The following MARCHF1 variants were observed in gnomAD, a reference collection of about 807,000 sequenced individuals.
MARCHF1 encodes the protein membrane associated ring-CH-type finger 1.
MARCHF1 carries 40 observed loss-of-function variants against 54.2 expected under a neutral mutation model. That is an observed-to-expected ratio of 0.74 (90% CI 0.57 to 0.96). The LOEUF is 0.96. MARCHF1 is among the 40% of genes least tolerant of loss of function. MARCHF1 has a pLI of 0.00. For missense variants in MARCHF1, 586 were observed against 656.5 expected (o/e 0.89, Z 1.17); for synonymous variants, 236 against 236.3 (o/e 1.00, Z 0.01).
In MARCHF1 at chr4:164,099,755, T is replaced by C. The variant is rs78762771; in HGVS notation, c.-248+11833A>G. On this transcript the variant is annotated intron_variant, in intron 2 of 9. Transcript: ENST00000514618. Reference sequence around the variant, plus strand: ...AAATATATTATTCAAAAGAAAATTTTGTTAATATTGTTCTCTGAGGTCATA... The same window carrying C: ...AAATATATTATTCAAAAGAAAATTTCGTTAATATTGTTCTCTGAGGTCATA... Among the ~76,000 whole-genome samples the C allele has an allele frequency of 2.9e-3, 448 of 152,300 alleles. 5 individuals carry two copies. The highest frequency in any genetic ancestry group is 9.9e-3 in the African/African-American group (410 of 41,566).
intron 1 of MARCHF1, among the ~76,000 whole-genome samples, chr4:164,147,641 G>T (rs542787105): frequency 3.6e-5 from 5 of 137,356 alleles, no homozygotes; most frequent in African/African-American, 1.4e-4. Context: ...ATGGACACAG[G>T]AAGGGGAACA....
intron 4 of MARCHF1, among the ~76,000 whole-genome samples, chr4:163,768,867 T>C (rs1408979021): frequency 6.6e-6 from 1 of 152,198 alleles, no homozygotes; most frequent in East Asian, 1.9e-4. Context: ...TTAAATTTCC[T>C]ATACTTTCTC....
intron 3 of MARCHF1, chr4:163,933,189 C>T: frequency 6.7e-6 from 5 of 750,240 alleles, no homozygotes; most frequent in South Asian, 5.4e-5. Flanking sequence ...TTAGAGACAA[C>T]CTAACACTAT....
At chr4:164,244,431 C>T (rs1732876031) in intron 1 of MARCHF1, among the ~76,000 whole-genome samples, 1 of 150,606 alleles carries the variant, frequency 6.6e-6, no homozygotes, top group South Asian at 2.1e-4. Flanking sequence ...CACAACATAC[C>T]AGAATCTCTG....
intron 2 of MARCHF1, among the ~76,000 whole-genome samples, chr4:164,021,329 C>T (rs1194747266): frequency 1.3e-5 from 2 of 152,132 alleles, no homozygotes; most frequent in Non-Finnish European, 2.9e-5. Context: ...ATGGTAATAT[C>T]ATTTAATTCT....
Position 164,375,059 on chromosome 4 carries a change from G to A in MARCHF1, c.-323+8811C>T, listed in dbSNP as rs546686297. On this transcript the variant is annotated intron_variant, in intron 1 of 9. Coordinates refer to ENST00000514618, the MANE Select transcript of MARCHF1 (RefSeq NM_001394959.1). ...GAAAATAATTTGTCTCTAATTGATC[G>A]AATTTCAAATTTGGGAGAATTTAGC... Among the ~76,000 whole-genome samples, 11 of 152,150 alleles carry A rather than the reference G, an allele frequency of 7.2e-5. No homozygotes were observed. In the South Asian group the frequency reaches 1.9e-3, roughly 26 times the overall value.
At chr4:164,114,803 A>G (rs909855919) in intron 1 of MARCHF1, among the ~76,000 whole-genome samples, 3 of 147,468 alleles carry the variant, frequency 2.0e-5, no homozygotes, top group South Asian at 2.1e-4. Context: ...TGAATTACCA[A>G]AAAAAAAAAA....
intron 3 of MARCHF1, among the ~76,000 whole-genome samples, chr4:163,967,023 G>A (rs1752455888): frequency 2.6e-5 from 4 of 152,058 alleles, no homozygotes; most frequent in Non-Finnish European, 5.9e-5. Flanking sequence ...CCGGGGGAGG[G>A]AAAATATGCC....
intron 4 of MARCHF1, among the ~76,000 whole-genome samples, chr4:163,817,441 G>A (rs989555794): frequency 1.5e-5 from 2 of 132,316 alleles, no homozygotes; most frequent in Non-Finnish European, 3.2e-5. Flanking sequence ...ACACATATAT[G>A]TAGCTGTGTG....
chr4:163,599,403 T>A (rs892694531), intron 7 of MARCHF1, among the ~76,000 whole-genome samples: 19 of 121,272 alleles, frequency 1.6e-4, no homozygotes, highest in African/African-American at 5.6e-4. Flanking sequence ...CAGTCTGTCC[T>A]TGATCAAAAC....
intron 4 of MARCHF1, among the ~76,000 whole-genome samples, chr4:163,742,847 A>G (rs1401821290): frequency 2.6e-5 from 4 of 152,128 alleles, no homozygotes; most frequent in Admixed American, 6.5e-5. Flanking sequence ...CTATCACCCA[A>G]TTGATTTTGT....
chr4:164,021,735 C>A (rs1753670025), intron 2 of MARCHF1, among the ~76,000 whole-genome samples: 1 of 151,760 alleles, frequency 6.6e-6, no homozygotes, highest in Non-Finnish European at 1.5e-5. Flanking sequence ...CGGATGCCTG[C>A]AATCCCAGCT....
intron 1 of MARCHF1, among the ~76,000 whole-genome samples, chr4:164,148,757 A>G (rs543324151): frequency 6.6e-6 from 1 of 152,182 alleles, no homozygotes; most frequent in Admixed American, 6.6e-5. Context: ...TTAAAAGATT[A>G]ATTCCTATAA....
At chr4:163,995,160 T>C (rs185734967) in intron 2 of MARCHF1, among the ~76,000 whole-genome samples, 6 of 152,100 alleles carry the variant, frequency 3.9e-5, no homozygotes, top group African/African-American at 1.2e-4. Flanking sequence ...TGACTTCAAA[T>C]TGGGGTTCCC....
rs576243617 is a variant in MARCHF1, at chr4:163,579,966, T to C, written c.1191+5783A>G. ...ATGCCAAAGAGAACTCAAAGAACCA[T>C]AGAATGATTTCAGAATGTCCATGTG... On this transcript the variant is annotated intron_variant, in intron 8 of 9. Transcript: ENST00000514618. Among the ~76,000 whole-genome samples, 13 of 152,234 alleles carry C rather than the reference T, an allele frequency of 8.5e-5. No homozygotes were observed. The South Asian group carries it at 2.5e-3, about 29-fold the overall frequency.
intron 3 of MARCHF1, among the ~76,000 whole-genome samples, chr4:163,987,456 T>A (rs1752890523): frequency 1.3e-5 from 2 of 152,186 alleles, no homozygotes; most frequent in Admixed American, 6.5e-5. Context: ...GTACTCAAAT[T>A]TATTAGTCTT....
intron 1 of MARCHF1, among the ~76,000 whole-genome samples, chr4:164,256,846 T>C (rs145276619): frequency 1.1e-3 from 167 of 152,288 alleles, no homozygotes; most frequent in African/African-American, 3.8e-3. Flanking sequence ...TGGTGTGTAT[T>C]TGGTCATTTT....
chr4:163,684,236 C>T lies in MARCHF1; in HGVS notation c.162+16577G>A, dbSNP rs74886574. Among the ~76,000 whole-genome samples, 721 of 152,204 alleles carry T rather than the reference C, an allele frequency of 4.7e-3. 3 individuals are homozygous for T. The highest frequency in any genetic ancestry group is 0.017 in the African/African-American group (687 of 41,528). ...CCAATTAATAGAAGAGTGTCAATGT[C>T]CCATTGTAGGAAGAACATGTGGCAG... On this transcript the variant is annotated intron_variant, in intron 5 of 9. Coordinates refer to ENST00000514618, the MANE Select transcript of MARCHF1 (RefSeq NM_001394959.1).
intron 3 of MARCHF1, among the ~76,000 whole-genome samples, chr4:163,910,570 C>A (rs1156509149): frequency 6.6e-6 from 1 of 152,182 alleles, no homozygotes; most frequent in Non-Finnish European, 1.5e-5. Flanking sequence ...TCTTGGCTCA[C>A]TGCACCCTTC....
Sources: gnomAD v4.1 joint callset for allele counts (sites outside exome capture counted in the v4.1 genomes callset) on GRCh38, gnomAD v4.1.1 for gene constraint, MANE v1.5 for transcripts, NCBI Gene and HGNC (gene_info 2026-07-23, HGNC 2026-07-21) for gene names.